MAPKAP1: variants seen among roughly 807,000 people sequenced by gnomAD.
MAPKAP1 encodes the protein target of rapamycin complex 2 subunit MAPKAP1.
A neutral mutation model predicts 65.7 loss-of-function variants in MAPKAP1; 20 were observed. The observed-to-expected ratio is 0.30, with a 90% CI of 0.21 to 0.44. The LOEUF (loss-of-function observed/expected upper bound fraction) is 0.44. MAPKAP1 is among the 20% of genes least tolerant of loss of function. The pLI is 1.00. For synonymous variants in MAPKAP1, 222 were observed against 244.3 expected, an observed-to-expected ratio of 0.91 and a Z score of 0.85; for missense variants, 423 against 648.0, an observed-to-expected ratio of 0.65 and a Z score of 3.77.
At chr9:125,445,224 C>G (rs1852665551) in intron 10 of MAPKAP1, among the ~76,000 whole-genome samples, 1 of 152,214 alleles carries the variant, frequency 6.6e-6, no homozygotes, top group Non-Finnish European at 1.5e-5. Flanking sequence ...TAAATCTGAT[C>G]TAGGTCTCCA....
intron 7 of MAPKAP1, among the ~76,000 whole-genome samples, chr9:125,541,629 CCT>C (rs2133166628): frequency 6.6e-6 from 1 of 152,224 alleles, no homozygotes; most frequent in South Asian, 2.1e-4. Context: ...AGTGGCTGTG[CCT>C]CTTCAATCAT....
rs374477104 is a variant in MAPKAP1, at chr9:125,444,615, CTG to C, written c.1346-19_1346-18del. On this transcript the variant is annotated intron_variant, in intron 10 of 11. Coordinates refer to ENST00000265960, the MANE Select transcript of MAPKAP1 (RefSeq NM_001006617.3). ...TTGCGTGACCTGCAGAGACAGAAAACTGTGTTGAGGGGTTCTGGTGAGTTAAC... is the reference window on the plus strand; with the variant it reads ...TTGCGTGACCTGCAGAGACAGAAAACTGTTGAGGGGTTCTGGTGAGTTAAC... The C allele has an allele frequency of 3.8e-6, 6 of 1,591,644 alleles. No individual in the cohort carries two copies. In the African/African-American group the frequency reaches 5.4e-5, roughly 14 times the overall value.
chr9:125,459,024 G>A (rs1337565393), intron 10 of MAPKAP1, among the ~76,000 whole-genome samples: 11 of 132,042 alleles, frequency 8.3e-5, no homozygotes, highest in South Asian at 5.4e-4. Context: ...CAGACGGGGC[G>A]GCTGCCGGGC....
intron 8 of MAPKAP1, among the ~76,000 whole-genome samples, chr9:125,491,463 T>C (rs1298097530): frequency 1.3e-5 from 2 of 151,508 alleles, no homozygotes; most frequent in Non-Finnish European, 1.5e-5. Context: ...TTTAAAGAAA[T>C]TATAGTTACT....
chr9:125,488,150 G>C (rs925683450), intron 8 of MAPKAP1, among the ~76,000 whole-genome samples: 3 of 152,114 alleles, frequency 2.0e-5, no homozygotes, highest in South Asian at 2.1e-4. Flanking sequence ...TATCCCATTT[G>C]AGGATTTAAG....
intron 5 of MAPKAP1, among the ~76,000 whole-genome samples, chr9:125,563,504 A>G (rs539579597): frequency 2.1e-4 from 32 of 152,164 alleles, no homozygotes; most frequent in Non-Finnish European, 4.0e-4. Flanking sequence ...AATTTGGTCA[A>G]TATTTCTGTA....
chr9:125,644,387 A>T (rs1833667282), intron 4 of MAPKAP1, among the ~76,000 whole-genome samples: 1 of 152,248 alleles, frequency 6.6e-6, no homozygotes, highest in Admixed American at 6.5e-5. Flanking sequence ...AAAATTTCAC[A>T]TTAGCACAAT....
chr9:125,634,183 T>C (rs1346336904), intron 4 of MAPKAP1, among the ~76,000 whole-genome samples: 1 of 152,192 alleles, frequency 6.6e-6, no homozygotes, highest in Non-Finnish European at 1.5e-5. Context: ...TCTGTCAGTG[T>C]CACCTCCTTG....
chr9:125,599,429 A>G (rs1323758228), intron 4 of MAPKAP1, among the ~76,000 whole-genome samples: 1 of 152,140 alleles, frequency 6.6e-6, no homozygotes, highest in Non-Finnish European at 1.5e-5. Flanking sequence ...ATTTGAACAA[A>G]TCTACCTCTA....
intron 4 of MAPKAP1, among the ~76,000 whole-genome samples, chr9:125,619,479 A>G (rs559516482): frequency 6.6e-6 from 1 of 152,206 alleles, no homozygotes; most frequent in African/African-American, 2.4e-5. Flanking sequence ...TCCATTTAAA[A>G]AAAAAAAAAA....
At chr9:125,592,884 AAG>A (rs939923978) in intron 4 of MAPKAP1, among the ~76,000 whole-genome samples, 6 of 147,370 alleles carry the variant, frequency 4.1e-5, no homozygotes, top group African/African-American at 1.2e-4. Flanking sequence ...GCCTGGGCGA[AAG>A]AGCGAGACTC....
intron 4 of MAPKAP1, among the ~76,000 whole-genome samples, chr9:125,588,306 A>G (rs1831850052): frequency 1.3e-5 from 2 of 152,334 alleles, no homozygotes; most frequent in East Asian, 1.9e-4. Context: ...CAGACATGAA[A>G]GGCCACTACT....
At chr9:125,658,098 G>A (rs1484165914) in intron 3 of MAPKAP1, among the ~76,000 whole-genome samples, 1 of 152,134 alleles carries the variant, frequency 6.6e-6, no homozygotes, top group Non-Finnish European at 1.5e-5. Context: ...CCCGAGCTTT[G>A]GCCCGGCTTT....
chr9:125,589,731 T>C (rs900620141), intron 4 of MAPKAP1, among the ~76,000 whole-genome samples: 2 of 152,236 alleles, frequency 1.3e-5, no homozygotes, highest in African/African-American at 4.8e-5. Flanking sequence ...CATCATTAGA[T>C]TGACTGATTT....
At chr9:125,561,828 TATA>T (rs996156586) in intron 5 of MAPKAP1, among the ~76,000 whole-genome samples, 3 of 152,206 alleles carry the variant, frequency 2.0e-5, no homozygotes, top group African/African-American at 4.8e-5. Context: ...GGAAGGTAAC[TATA>T]ATAAGAAAGT....
chr9:125,528,421 CT>C (rs1829834312), intron 7 of MAPKAP1, among the ~76,000 whole-genome samples: 1 of 152,210 alleles, frequency 6.6e-6, no homozygotes, highest in Non-Finnish European at 1.5e-5. Flanking sequence ...AGGAGGGGTG[CT>C]GGTAGCCCAA....
intron 10 of MAPKAP1, among the ~76,000 whole-genome samples, chr9:125,450,238 C>A (rs1158936561): frequency 6.6e-6 from 1 of 152,176 alleles, no homozygotes. Context: ...CCTAAACCCC[C>A]AGGTGTCACC....
At chr9:125,555,998 G>A (rs1830724495) in intron 6 of MAPKAP1, among the ~76,000 whole-genome samples, 1 of 152,156 alleles carries the variant, frequency 6.6e-6, no homozygotes, top group Admixed American at 6.5e-5. Flanking sequence ...TCACAGTAAT[G>A]GAGTGATGGT....
chr9:125,677,201 G>A (rs1834671269), intron 1 of MAPKAP1, among the ~76,000 whole-genome samples: 1 of 152,148 alleles, frequency 6.6e-6, no homozygotes, highest in Admixed American at 6.5e-5. Context: ...CACTTTGGGA[G>A]GCCGAGGCGG....
Sources: gnomAD v4.1 joint callset for allele counts (sites outside exome capture counted in the v4.1 genomes callset) on GRCh38, gnomAD v4.1.1 for gene constraint, MANE v1.5 for transcripts, NCBI Gene and HGNC (gene_info 2026-07-23, HGNC 2026-07-21) for gene names.